Variants in PDSS2 observed in about 807,000 individuals in gnomAD.
PDSS2 encodes the protein all trans-polyprenyl-diphosphate synthase PDSS2.
Under a neutral mutation model 44.5 loss-of-function variants are expected in PDSS2, and 31 were observed. The observed-to-expected ratio is 0.70, with a 90% CI of 0.52 to 0.94. The LOEUF is 0.94. Ranked by LOEUF, PDSS2 falls within the 40% of genes least tolerant of loss-of-function variation. The pLI, the probability that PDSS2 is intolerant of heterozygous loss-of-function variation, is 0.00. For missense variants in PDSS2, 452 were observed against 482.2 expected (o/e 0.94, Z 0.59); for synonymous variants, 157 against 180.3 (o/e 0.87, Z 1.03).
chr6:107,436,485 T>C (rs1347029409), intron 1 of PDSS2, among the ~76,000 whole-genome samples: 5 of 152,146 alleles, frequency 3.3e-5, no homozygotes, highest in African/African-American at 1.2e-4. Context: ...TTTTTAAAGG[T>C]AAAAATTCAG....
At chr6:107,196,972 G>A (rs1772584284) in intron 6 of PDSS2, among the ~76,000 whole-genome samples, 1 of 152,220 alleles carries the variant, frequency 6.6e-6, no homozygotes, top group South Asian at 2.1e-4. Flanking sequence ...TGGTACACTG[G>A]AGAGGAAATG....
At position 107,384,667 on chromosome 6, in the gene PDSS2, C is replaced by CA. The variant is rs1319280242; in HGVS notation, c.297-50336dup. 7.9e-3 allele frequency among the ~76,000 whole-genome samples: 1,167 copies of CA among 147,974 alleles called. 15 individuals are homozygous for CA. Among genetic ancestry groups the CA allele is most frequent in the Non-Finnish European group, 0.012 (794 of 66,802 alleles). On this transcript the variant is annotated intron_variant, in intron 1 of 7. Transcript: ENST00000369037. ...AAAACCAAAAAAAAACACAAAAAAA[C>CA]AAAAAAAACCCACTAAACTGTATAC...
At chr6:107,259,631 C>T (rs1307821615) in intron 3 of PDSS2, among the ~76,000 whole-genome samples, 3 of 150,682 alleles carry the variant, frequency 2.0e-5, no homozygotes, top group Non-Finnish European at 4.4e-5. Flanking sequence ...GCTGAGATCG[C>T]ACCACTGCAT....
At chr6:107,270,099 G>A (rs1385244794) in intron 3 of PDSS2, among the ~76,000 whole-genome samples, 1 of 152,082 alleles carries the variant, frequency 6.6e-6, no homozygotes, top group Non-Finnish European at 1.5e-5. Flanking sequence ...CTGCTCTGCT[G>A]AAGTGTATTA....
chr6:107,203,100 ATAG>A (rs1426983578), intron 6 of PDSS2, among the ~76,000 whole-genome samples: 1 of 152,218 alleles, frequency 6.6e-6, no homozygotes, highest in Non-Finnish European at 1.5e-5. Flanking sequence ...AATCAGGCTA[ATAG>A]TAGAATTTAG....
chr6:107,438,867 T>C (rs1781433397), intron 1 of PDSS2, among the ~76,000 whole-genome samples: 2 of 152,192 alleles, frequency 1.3e-5, no homozygotes, highest in Non-Finnish European at 2.9e-5. Context: ...TAATTCAACC[T>C]CTTCTCACAA....
At chr6:107,406,540 A>T (rs1210205321) in intron 1 of PDSS2, among the ~76,000 whole-genome samples, 2 of 152,222 alleles carry the variant, frequency 1.3e-5, no homozygotes, top group African/African-American at 4.8e-5. Flanking sequence ...TTCTACCACC[A>T]ATCTGATGAT....
chr6:107,164,551 C>T (rs9320205), intron 7 of PDSS2, among the ~76,000 whole-genome samples: 105,430 of 152,082 alleles, frequency 0.69, 36,938 homozygotes, highest in African/African-American at 0.74. Context: ...CACATTTTAT[C>T]AATCCAGTCT....
chr6:107,337,551 A>C (rs1777944016), intron 1 of PDSS2, among the ~76,000 whole-genome samples: 2 of 152,242 alleles, frequency 1.3e-5, no homozygotes, highest in African/African-American at 4.8e-5. Flanking sequence ...TACTTTTCAT[A>C]GTCATTGTAT....
chr6:107,176,455 C>T (rs1358336369), intron 7 of PDSS2, among the ~76,000 whole-genome samples: 1 of 131,498 alleles, frequency 7.6e-6, no homozygotes. Context: ...CACACACACA[C>T]ACAAATATAA....
chr6:107,288,287 C>G, intron 2 of PDSS2, among the ~76,000 whole-genome samples: 1 of 152,142 alleles, frequency 6.6e-6, no homozygotes, highest in East Asian at 1.9e-4. Context: ...TCTACGCCTT[C>G]AAAAGTTGGT....
intron 1 of PDSS2, among the ~76,000 whole-genome samples, chr6:107,416,432 G>C (rs749120571): frequency 6.6e-6 from 1 of 152,050 alleles, no homozygotes; most frequent in African/African-American, 2.4e-5. Flanking sequence ...AGTCATATCC[G>C]GGTTGATTTG....
intron 7 of PDSS2, among the ~76,000 whole-genome samples, chr6:107,166,441 T>G (rs1401021806): frequency 6.9e-6 from 1 of 145,522 alleles, no homozygotes; most frequent in Non-Finnish European, 1.5e-5. Flanking sequence ...CTCGGCTCAC[T>G]GCAAACTCCG....
In PDSS2 at chr6:107,371,282, T is replaced by C. The variant is rs570923938; in HGVS notation, c.297-36950A>G. On this transcript the variant is annotated intron_variant, in intron 1 of 7. Transcript: ENST00000369037. Reference sequence around the variant, plus strand: ...AGAAAGGTCTGTTTGTAAGTTACCATAGTTATTCAACTCAAAGAAGTGGAC... The same window carrying C: ...AGAAAGGTCTGTTTGTAAGTTACCACAGTTATTCAACTCAAAGAAGTGGAC... Among the ~76,000 whole-genome samples the C allele has an allele frequency of 4.6e-5, 7 of 152,268 alleles. 1 individual carries two copies. Among genetic ancestry groups the C allele is most frequent in the African/African-American group, 1.4e-4 (6 of 41,558 alleles).
At chr6:107,437,175 T>C (rs1459367985) in intron 1 of PDSS2, among the ~76,000 whole-genome samples, 4 of 152,142 alleles carry the variant, frequency 2.6e-5, no homozygotes, top group Non-Finnish European at 5.9e-5. Context: ...TTCTTTGAAA[T>C]AAGGGAAGAC....
Position 107,190,047 on chromosome 6 carries a change from G to A in PDSS2, c.1041+3775C>T, listed in dbSNP as rs139944661. 2.5e-3 allele frequency among the ~76,000 whole-genome samples: 372 copies of A among 151,538 alleles called. 1 individual carries two copies. Among genetic ancestry groups the A allele is most frequent in the African/African-American group, 8.4e-3 (348 of 41,306 alleles). ...TGCAGTAAGCTATGATTGTGACACT[G>A]CACTCCAGCCTGAGTGACAGAGTGA... On this transcript the variant is annotated intron_variant, in intron 7 of 7. Transcript: ENST00000369037.
At chr6:107,386,315 GA>G (rs1779609184) in intron 1 of PDSS2, among the ~76,000 whole-genome samples, 1 of 150,008 alleles carries the variant, frequency 6.7e-6, no homozygotes, top group African/African-American at 2.5e-5. Context: ...CAAACTTTGT[GA>G]TATTAAAAAG....
At chr6:107,453,009 A>AT (rs1781925378) in intron 1 of PDSS2, among the ~76,000 whole-genome samples, 1 of 151,808 alleles carries the variant, frequency 6.6e-6, no homozygotes, top group Non-Finnish European at 1.5e-5. Context: ...TCTTTTATGA[A>AT]TTTTTTGGTG....
rs78728182 is a variant in PDSS2 at position 107,450,053 on chromosome 6, C to G, written c.296+8937G>C. On this transcript the variant is annotated intron_variant, in intron 1 of 7. Transcript: ENST00000369037. ...ACTGCTTTCAATTCTTTTGGAAACACACCCAGAAGCAGAATTGTTGGGTCA... is the reference window on the plus strand; with the variant it reads ...ACTGCTTTCAATTCTTTTGGAAACAGACCCAGAAGCAGAATTGTTGGGTCA... Among the ~76,000 whole-genome samples, 1,350 of 152,306 alleles carry G rather than the reference C, an allele frequency of 8.9e-3. 50 individuals are homozygous for G. The East Asian group carries it at 0.12, about 13-fold the overall frequency.
Sources: allele counts gnomAD v4.1 joint callset (sites outside exome capture counted in the v4.1 genomes callset), GRCh38; gene constraint gnomAD v4.1.1; transcripts MANE v1.5; gene names NCBI Gene and HGNC (gene_info 2026-07-23, HGNC 2026-07-21).